The following PODXL variants were observed in gnomAD, a reference collection of about 807,000 sequenced individuals.
PODXL encodes podocalyxin.
PODXL carries 20 observed loss-of-function variants against 48.9 expected under a neutral mutation model. The observed-to-expected ratio is 0.41, with a 90% confidence interval of 0.29 to 0.59. PODXL has a LOEUF of 0.59. Ranked by LOEUF, PODXL falls within the 20% of genes least tolerant of loss-of-function variation. The probability of loss-of-function intolerance (pLI) is 0.31; values close to 1 mark genes in which losing one functional copy is unlikely to be tolerated. For synonymous variants in PODXL, 295 were observed against 287.4 expected (o/e 1.03, Z -0.27); for missense variants, 606 against 675.1 (o/e 0.90, Z 1.13).
chr7:131,521,422 A>G (rs915560666), intron 1 of PODXL, among the ~76,000 whole-genome samples: 9 of 151,492 alleles, frequency 5.9e-5, no homozygotes, highest in Admixed American at 1.3e-4. Flanking sequence ...GCTCACTGCA[A>G]CCTCAGCCTC....
intron 1 of PODXL, among the ~76,000 whole-genome samples, chr7:131,542,552 G>A (rs778569871): frequency 1.3e-5 from 2 of 152,166 alleles, no homozygotes; most frequent in Non-Finnish European, 2.9e-5. Context: ...AGCTACACAG[G>A]AAGCTGAGGC....
At chr7:131,518,374 G>A (rs556616885) in intron 1 of PODXL, among the ~76,000 whole-genome samples, 2 of 152,326 alleles carry the variant, frequency 1.3e-5, no homozygotes, top group African/African-American at 4.8e-5. Context: ...AGAATCAAGC[G>A]TAAGTCAGAA....
At chr7:131,541,557 G>T (rs57503556) in intron 1 of PODXL, among the ~76,000 whole-genome samples, 12,547 of 151,912 alleles carry the variant, frequency 0.083, 620 homozygotes, top group African/African-American at 0.13. Context: ...TTGGTGGTGG[G>T]CGTCTCTAAT....
chr7:131,511,620 T>TTTC (rs1277057799), intron 1 of PODXL, among the ~76,000 whole-genome samples, 187 bp from the exon 2 acceptor site: 1 of 152,136 alleles, frequency 6.6e-6, no homozygotes, highest in Non-Finnish European at 1.5e-5. Context: ...GTCTTTTTTT[T>TTTC]TTCTTCTTCC....
rs777017994 is a variant in PODXL, at chr7:131,509,014, A to G, written c.1038T>C (p.Asp346=). The G allele has an allele frequency of 3.7e-6, 6 of 1,613,744 alleles. 1 individual carries two copies. The South Asian group carries it at 5.5e-5, about 15-fold the overall frequency. The change falls in exon 5 of 9, where the codon GAT becomes GAC. Residue 346 remains aspartate (D), a synonymous_variant. Transcript: ENST00000378555. ...TCTCACTCTGTGTCTGTGTCTCAAG[A>G]TCCTCACACTTTGCCTGGAAGAAGC... The part of the protein sequence containing the change: ...AHESNWAKCE[D]LETQTQSEKQ...
In PODXL at chr7:131,505,917, G is replaced by T; in HGVS notation, c.1430C>A (p.Ala477Glu). 6.3e-7 allele frequency: 1 copy of T among 1,586,930 alleles called. No homozygotes were observed. The highest frequency in any genetic ancestry group is 8.6e-7 in the Non-Finnish European group (1 of 1,167,012). ...VCMASFLLLVAALYGCCHQRL... is the reference protein window; with the variant it reads ...VCMASFLLLVEALYGCCHQRL... ...CTGGTGGCAGCAGCCATAGAGGGCC[G>T]CCACGAGGAGCAGGAATGATGCCAT... The change falls in exon 8 of 9, where the codon GCG becomes GAG. Residue 477 changes from alanine to glutamate, a missense_variant. Physicochemically the swap from Ala to Glu is moderately radical, Grantham distance 107. Transcript: ENST00000378555.
intron 1 of PODXL, 152 bp downstream of exon 1, chr7:131,556,108 G>A: frequency 1.9e-6 from 2 of 1,055,918 alleles, no homozygotes; most frequent in East Asian, 3.3e-5. Flanking sequence ...GGGCGTGGAT[G>A]GTGCAAGGTC....
intron 5 of PODXL, chr7:131,506,936 G>C: frequency 1.7e-6 from 1 of 591,534 alleles, no homozygotes; most frequent in Non-Finnish European, 3.0e-6. Context: ...CCTCTGTCTC[G>C]TTCCCATCAG....
intron 1 of PODXL, among the ~76,000 whole-genome samples, chr7:131,511,751 T>G (rs430597): frequency 6.6e-6 from 1 of 152,150 alleles, no homozygotes; most frequent in Admixed American, 6.5e-5. Context: ...CCACCACGCC[T>G]GGCATGAAAC....
At chr7:131,531,750 C>T (rs1385370444) in intron 1 of PODXL, among the ~76,000 whole-genome samples, 1 of 152,210 alleles carries the variant, frequency 6.6e-6, no homozygotes, top group Non-Finnish European at 1.5e-5. Context: ...CCACTTAAAA[C>T]CAGCATGCTC....
chr7:131,506,187 G>A, intron 7 of PODXL, 73 bp downstream of exon 7: 1 of 1,539,162 alleles, frequency 6.5e-7, no homozygotes, highest in African/African-American at 1.4e-5. Context: ...TCCCCACAGA[G>A]AGAGGGGAGT....
intron 1 of PODXL, among the ~76,000 whole-genome samples, chr7:131,549,867 G>C (rs910288192): frequency 6.6e-6 from 1 of 152,354 alleles, no homozygotes; most frequent in Admixed American, 6.5e-5. Context: ...CAAAAGAAGA[G>C]AGGGTGGTGG....
In PODXL at chr7:131,501,868, G is replaced by GGT. The variant is rs1797709345; in HGVS notation, c.*2441_*2442dup. ...TGTCCTGGTGGCAAGAGCAAGGCAA[G>GGT]GTGTCAGATTCTGAAGCTGTCCTAA... On this transcript the variant is annotated 3_prime_UTR_variant, in exon 9 of 9. Coordinates refer to ENST00000378555, the MANE Select transcript of PODXL (RefSeq NM_001018111.3). 1 of 152,270 alleles carries GGT rather than the reference G, an allele frequency of 6.6e-6. No homozygotes were observed. Among genetic ancestry groups the GGT allele is most frequent in the African/African-American group, 2.4e-5 (1 of 41,434 alleles). The allele number at this position is 152,270 out of a possible 1,614,324, so 9.4% of individuals were successfully genotyped here. A position where few individuals can be genotyped will look rare whatever the true frequency, so the allele number is the denominator to read the frequency against.
intron 1 of PODXL, among the ~76,000 whole-genome samples, chr7:131,543,976 G>A (rs993842732): frequency 6.6e-5 from 10 of 152,180 alleles, no homozygotes; most frequent in African/African-American, 2.4e-4. Flanking sequence ...CAGCAGTCCT[G>A]GGGCCGAAAT....
rs1332802534 is a variant in PODXL, at chr7:131,504,268, T to G, written c.*43A>C. On this transcript the variant is annotated 3_prime_UTR_variant, in exon 9 of 9. Coordinates refer to ENST00000378555, the MANE Select transcript of PODXL (RefSeq NM_001018111.3). Reference sequence around the variant, plus strand: ...TCCAAACGGCACTTGGGGTGGTTGGTCTGGAGCTCTGTGGTGCTGCTGGAG... The same window carrying G: ...TCCAAACGGCACTTGGGGTGGTTGGGCTGGAGCTCTGTGGTGCTGCTGGAG... 13 of 1,559,428 alleles carry G rather than the reference T, an allele frequency of 8.3e-6. No individual in the cohort carries two copies. Among genetic ancestry groups the G allele is most frequent in the Non-Finnish European group, 7.9e-6 (9 of 1,133,332 alleles).
chr7:131,546,921 C>T (rs2116864017), intron 1 of PODXL, among the ~76,000 whole-genome samples: 1 of 152,176 alleles, frequency 6.6e-6, no homozygotes, highest in South Asian at 2.1e-4. Context: ...ACCCTGCCTC[C>T]CCGCACTGAG....
intron 1 of PODXL, among the ~76,000 whole-genome samples, chr7:131,549,859 A>G (rs1229055179): frequency 6.6e-6 from 1 of 152,212 alleles, no homozygotes; most frequent in Non-Finnish European, 1.5e-5. Flanking sequence ...TAAGGCTACA[A>G]AAGAAGAGAG....
intron 1 of PODXL, among the ~76,000 whole-genome samples, chr7:131,526,739 CTTTT>C (rs57935236): frequency 1.2e-4 from 11 of 90,516 alleles, no homozygotes; most frequent in African/African-American, 3.5e-4. Context: ...CTTCCTTACT[CTTTT>C]TTTTTTTTTT....
intron 1 of PODXL, 44 bp downstream of exon 1, chr7:131,556,216 T>TGGGCACGGTGGG: frequency 7.0e-7 from 1 of 1,424,436 alleles, no homozygotes; most frequent in Non-Finnish European, 9.2e-7. Flanking sequence ...AGGGGGCACA[T>TGGGCACGGTGGG]GGGCACGGTG....
Sources: gnomAD v4.1 joint callset for allele counts (sites outside exome capture counted in the v4.1 genomes callset) on GRCh38, gnomAD v4.1.1 for gene constraint, MANE v1.5 for transcripts, NCBI Gene and HGNC (gene_info 2026-07-23, HGNC 2026-07-21) for gene names.